The following LIFR variants were observed in gnomAD, a reference collection of about 807,000 sequenced individuals.
LIFR encodes the protein LIF receptor subunit alpha, also known as leukemia inhibitory factor receptor.
Under a neutral mutation model 122.2 loss-of-function variants are expected in LIFR, and 84 were observed. The ratio of observed to expected loss-of-function variants is 0.69; its 90% CI spans 0.58 to 0.82. LIFR has a LOEUF of 0.82. LIFR is among the 40% of genes least tolerant of loss of function. LIFR has a pLI of 0.00. For synonymous variants in LIFR, 422 were observed against 434.7 expected (o/e 0.97, Z 0.36); for missense variants, 1,294 against 1,311.6 (o/e 0.99, Z 0.21).
intron 1 of LIFR, among the ~76,000 whole-genome samples, chr5:38,545,591 G>A (rs868232930): frequency 3.1e-4 from 47 of 151,760 alleles, no homozygotes; most frequent in African/African-American, 9.4e-4. Context: ...GGCAGGGCAC[G>A]GTGGCTCACG....
At chr5:38,558,184 G>A (rs182077807), upstream of LIFR, 45 of 151,964 alleles carry the variant, frequency 3.0e-4, no homozygotes, top group East Asian at 7.3e-3. Flanking sequence ...TAAAATGTAT[G>A]TATATATGTG....
At chr5:38,599,110 CAGT>C (rs1308446749), upstream of LIFR, among the ~76,000 whole-genome samples, 3 of 152,126 alleles carry the variant, frequency 2.0e-5, no homozygotes, top group African/African-American at 7.2e-5. Flanking sequence ...GAGCTGTTAC[CAGT>C]AGAAAGAGCA....
chr5:38,539,015 C>G (rs893816148), intron 1 of LIFR, among the ~76,000 whole-genome samples: 3 of 152,048 alleles, frequency 2.0e-5, no homozygotes, highest in Non-Finnish European at 4.4e-5. Context: ...GGCTGGAGTG[C>G]AGTGGCGCGA....
chr5:38,510,189 A>G (rs1745721100), intron 7 of LIFR, among the ~76,000 whole-genome samples: 1 of 152,262 alleles, frequency 6.6e-6, no homozygotes, highest in African/African-American at 2.4e-5. Flanking sequence ...GCTGTTAACT[A>G]AGAATTTAAA....
chr5:38,580,528 A>G (rs961741166), intron 1 of LIFR, among the ~76,000 whole-genome samples: 3 of 152,122 alleles, frequency 2.0e-5, no homozygotes, highest in African/African-American at 7.2e-5. Context: ...TACATCTGCC[A>G]GGGTGAATTA....
chr5:38,530,770 C>G lies in LIFR; in HGVS notation c.-19-104G>C. 8 of 1,053,970 alleles carry G rather than the reference C, an allele frequency of 7.6e-6. No individual in the cohort carries two copies. The South Asian group carries it at 9.0e-5, about 12-fold the overall frequency. 65.3% of individuals were successfully genotyped at this position (1,053,970 alleles called of 1,614,324 possible). On this transcript the variant is annotated intron_variant, in intron 1 of 19. Transcript: ENST00000453190. ...ATAGATTCTGACAGATTCTGAAACA[C>G]TGTACATTTAGAGACTTTGGAGATA...
At chr5:38,543,158 T>C (rs922360080) in intron 1 of LIFR, among the ~76,000 whole-genome samples, 7 of 151,708 alleles carry the variant, frequency 4.6e-5, no homozygotes, top group African/African-American at 1.5e-4. Context: ...TTTCTACTGA[T>C]TGGAAAAGGT....
chr5:38,576,555 T>C (rs1028367676), intron 1 of LIFR, among the ~76,000 whole-genome samples: 1 of 152,206 alleles, frequency 6.6e-6, no homozygotes, highest in South Asian at 2.1e-4. Flanking sequence ...TTGACTATAA[T>C]GCGAGCCAGC....
intron 16 of LIFR, among the ~76,000 whole-genome samples, chr5:38,486,877 TATG>T (rs1744314208): frequency 6.6e-6 from 1 of 152,258 alleles, no homozygotes; most frequent in Non-Finnish European, 1.5e-5. Context: ...TTTGGATTAC[TATG>T]ATTATATAAA....
intron 1 of LIFR, among the ~76,000 whole-genome samples, chr5:38,563,521 C>A (rs77728167): frequency 0.013 from 1,982 of 152,248 alleles, 42 homozygotes; most frequent in African/African-American, 0.041. Flanking sequence ...AGTAAAATAA[C>A]AAAGATATGA....
chr5:38,494,702 A>G (rs1259444861), intron 13 of LIFR, among the ~76,000 whole-genome samples: 5 of 152,218 alleles, frequency 3.3e-5, no homozygotes, highest in Non-Finnish European at 7.3e-5. Context: ...AAAAACAAAC[A>G]TAGAAAGGTT....
intron 11 of LIFR, among the ~76,000 whole-genome samples, chr5:38,500,185 A>C (rs1745103736): frequency 6.6e-6 from 1 of 152,150 alleles, no homozygotes; most frequent in Non-Finnish European, 1.5e-5. Flanking sequence ...GTGTGTACAT[A>C]CATACATATA....
At chr5:38,498,862 G>A (rs1745026962) in intron 12 of LIFR, among the ~76,000 whole-genome samples, 1 of 152,024 alleles carries the variant, frequency 6.6e-6, no homozygotes, top group Non-Finnish European at 1.5e-5. Context: ...AAGCTGTATC[G>A]ACGTCAAAAG....
chr5:38,577,832 C>A (rs1005424231), intron 1 of LIFR, among the ~76,000 whole-genome samples: 3 of 152,178 alleles, frequency 2.0e-5, no homozygotes, highest in African/African-American at 4.8e-5. Context: ...TTTTGAACAA[C>A]ATAGGCATTT....
At chr5:38,489,501 A>G (rs1442368609) in intron 15 of LIFR, among the ~76,000 whole-genome samples, 2 of 152,242 alleles carry the variant, frequency 1.3e-5, no homozygotes, top group South Asian at 4.1e-4. Context: ...TATCTAGGGA[A>G]GCAATCTATG....
At chr5:38,510,056 T>C (rs911437817) in intron 7 of LIFR, among the ~76,000 whole-genome samples, 1 of 152,226 alleles carries the variant, frequency 6.6e-6, no homozygotes, top group African/African-American at 2.4e-5. Context: ...AGATTTTGTG[T>C]AAAATTGCTA....
chr5:38,481,377 A>G lies in LIFR; in HGVS notation c.*218T>C, dbSNP rs1743975221. 3 of 593,210 alleles carry G rather than the reference A, an allele frequency of 5.1e-6. No individual in the cohort carries two copies. Among genetic ancestry groups the G allele is most frequent in the Non-Finnish European group, 9.0e-6 (3 of 335,000 alleles). 36.7% of individuals were successfully genotyped at this position (593,210 alleles called of 1,614,324 possible). ...TTGGCTTGATCACAAAGAGCTCCCAATCTTGAGTTTTGTGGATTGAGGATT... is the reference window on the plus strand; with the variant it reads ...TTGGCTTGATCACAAAGAGCTCCCAGTCTTGAGTTTTGTGGATTGAGGATT... On this transcript the variant is annotated 3_prime_UTR_variant, in exon 20 of 20. Coordinates refer to ENST00000453190, the MANE Select transcript of LIFR (RefSeq NM_001127671.2).
chr5:38,596,673 C>T (rs1750106055), upstream of LIFR, among the ~76,000 whole-genome samples: 1 of 152,176 alleles, frequency 6.6e-6, no homozygotes, highest in African/African-American at 2.4e-5. Context: ...AGATGACTAA[C>T]ACCCATGACC....
chr5:38,598,257 TTTCTTTTTA>T (rs1750157066), upstream of LIFR, among the ~76,000 whole-genome samples: 3 of 58,122 alleles, frequency 5.2e-5, no homozygotes, highest in East Asian at 9.7e-4. Context: ...TTTTTTTTTT[TTTCTTTTTA>T]GAGGGAGTCT....
Sources: gnomAD v4.1 joint callset for allele counts (sites outside exome capture counted in the v4.1 genomes callset) on GRCh38, gnomAD v4.1.1 for gene constraint, MANE v1.5 for transcripts, NCBI Gene and HGNC (gene_info 2026-07-23, HGNC 2026-07-21) for gene names.